The following MYO18A variants were observed in gnomAD, a reference collection of about 807,000 sequenced individuals.
MYO18A encodes the protein unconventional myosin-XVIIIa.
In MYO18A, 78 loss-of-function variants were observed where a neutral mutation model predicts 235.8. The observed-to-expected ratio is 0.33, with a 90% CI of 0.28 to 0.40. The LOEUF is 0.40. Among genes scored for constraint, MYO18A ranks in the 10% least tolerant of loss-of-function variants. The pLI is 1.00. For missense variants in MYO18A, 2,215 were observed against 2,699.3 expected (o/e 0.82, Z 3.98); for synonymous variants, 977 against 1,077.8 (o/e 0.91, Z 1.83).
chr17:29,102,430 G>T (rs1287968043), intron 21 of MYO18A, among the ~76,000 whole-genome samples: 2 of 152,194 alleles, frequency 1.3e-5, no homozygotes, highest in East Asian at 3.9e-4. Flanking sequence ...CCCTAGGCAG[G>T]GGCCCAGCTG....
chr17:29,096,109 G>A (rs2066512699), intron 28 of MYO18A, among the ~76,000 whole-genome samples: 1 of 152,220 alleles, frequency 6.6e-6, no homozygotes, highest in South Asian at 2.1e-4. Context: ...TCCCAGTGTT[G>A]TGGGTGTGGG....
rs776432106 is a variant in MYO18A, at chr17:29,158,428, A to G, written c.999+7514T>C. On this transcript the variant is annotated intron_variant, in intron 2 of 41. Transcript: ENST00000527372. This position sits in a 1 kb window ranked among gnomAD's most constrained non-coding sequence, Gnocchi z 4.3. Reference sequence around the variant, plus strand: ...TTTAACAGAACAGAAGCTGCTGCCAAACACCATGCGGGACTCTTGAATTGG... The same window carrying G: ...TTTAACAGAACAGAAGCTGCTGCCAGACACCATGCGGGACTCTTGAATTGG... 1.3e-5 allele frequency among the ~76,000 whole-genome samples: 2 copies of G among 151,548 alleles called. No individual in the cohort carries two copies. The highest frequency in any genetic ancestry group is 2.9e-5 in the Non-Finnish European group (2 of 67,906).
At chr17:29,131,466 A>C in intron 2 of MYO18A, 1 of 984,744 alleles carries the variant, frequency 1.0e-6, no homozygotes, top group South Asian at 4.7e-5. Context: ...TGAAGAAGTC[A>C]CTGGCAGGTC....
At chr17:29,095,104 G>A (rs1254766325) in intron 28 of MYO18A, 45 bp from the exon 29 acceptor site, 1 of 1,489,386 alleles carries the variant, frequency 6.7e-7, no homozygotes, top group East Asian at 2.5e-5. Context: ...AAGAGCCAGG[G>A]TCCCCCACAC....
rs748946708 is a variant in MYO18A, at chr17:29,074,833, T to A, written c.6102A>T (p.Arg2034=). The A allele has an allele frequency of 3.7e-6, 6 of 1,613,896 alleles. No individual in the cohort carries two copies. The highest frequency in any genetic ancestry group is 5.1e-6 in the Non-Finnish European group (6 of 1,179,856). The change falls in exon 42 of 42, where the codon CGA becomes CGT. Residue 2034 remains arginine, a synonymous_variant. Transcript: ENST00000527372. This position sits in a 1 kb window ranked among gnomAD's most constrained non-coding sequence, Gnocchi z 4.4. Reference sequence around the variant, plus strand: ...TGTCACTCAGATAACTGTGGGAGTATCGCGGTCTGGAGGTGTTGTCGAGAG... The same window carrying A: ...TGTCACTCAGATAACTGTGGGAGTAACGCGGTCTGGAGGTGTTGTCGAGAG... The part of the protein sequence containing the change: ...HDPLDNTSRP[R]YSHSYLSDSD...
At chr17:29,086,370 G>T in intron 39 of MYO18A, 68 bp downstream of exon 39, 1 of 1,530,392 alleles carries the variant, frequency 6.5e-7, no homozygotes, top group South Asian at 1.2e-5. Context: ...CTACCTGGTC[G>T]TCTGGTTCCA....
Position 29,096,851 on chromosome 17 carries a change from C to T in MYO18A, c.4295G>A (p.Cys1432Tyr). 6.3e-7 allele frequency: 1 copy of T among 1,590,470 alleles called. No individual in the cohort carries two copies. Among genetic ancestry groups the T allele is most frequent in the Non-Finnish European group, 8.6e-7 (1 of 1,168,940 alleles). ...QRALQQLKKK[C>Y]QRLTAELQDT... ...TTGCAGCTCAGCCGTCAGTCGCTGG[C>T]ACTTCTTCTTGAGCTGCTGCAGAGC... The change falls in exon 28 of 42, where the codon TGC becomes TAC. Residue 1432 changes from cysteine to tyrosine, a missense_variant. Coordinates refer to ENST00000527372, the MANE Select transcript of MYO18A (RefSeq NM_078471.4).
chr17:29,086,357 G>T, intron 39 of MYO18A, 81 bp downstream of exon 39: 2 of 1,497,604 alleles, frequency 1.3e-6, no homozygotes, highest in Non-Finnish European at 9.1e-7. Flanking sequence ...GGTTGCAACT[G>T]TTCTACCTGG....
chr17:29,163,026 C>T (rs2068207248), intron 2 of MYO18A, among the ~76,000 whole-genome samples: 2 of 152,214 alleles, frequency 1.3e-5, no homozygotes, highest in Admixed American at 1.3e-4. Context: ...TAACAGATGG[C>T]TAGTCAGCTC....
At chr17:29,113,291 A>C (rs2066978309) in intron 15 of MYO18A, among the ~76,000 whole-genome samples, 1 of 152,228 alleles carries the variant, frequency 6.6e-6, no homozygotes, top group Admixed American at 6.5e-5. Context: ...ATCAAAGCAG[A>C]GCAGGGAGGT....
At chr17:29,167,975 T>G (rs910234444) in intron 1 of MYO18A, among the ~76,000 whole-genome samples, 19 of 152,192 alleles carry the variant, frequency 1.2e-4, no homozygotes, top group African/African-American at 4.1e-4. Context: ...ACAAGGTAGA[T>G]ATCATTATTT....
In MYO18A at chr17:29,111,792, T is replaced by C. The variant is rs751362931; in HGVS notation, c.2670A>G (p.Pro890=). The change falls in exon 16 of 42, where the codon CCA becomes CCG. Residue 890 remains proline (P), a synonymous_variant. Coordinates refer to ENST00000527372, the MANE Select transcript of MYO18A (RefSeq NM_078471.4). This position sits in a 1 kb window ranked among gnomAD's most constrained non-coding sequence, Gnocchi z 5.1. ...LWLLEEEALV[P]GASEDTLLER... ...CCAGGAGGGTGTCCTCACTGGCCCC[T>C]GGCACCAGAGCCTCCTCTTCCAATA... 7.4e-6 allele frequency: 12 copies of C among 1,613,788 alleles called. No homozygotes were observed. The highest frequency in any genetic ancestry group is 1.7e-4 in the Middle Eastern group (1 of 6,058).
Position 29,120,689 on chromosome 17 carries a change from T to C in MYO18A, c.1655A>G (p.Asn552Ser). The change falls in exon 7 of 42, where the codon AAT becomes AGT. Residue 552 changes from asparagine to serine, a missense_variant. Transcript: ENST00000527372. This position sits in a 1 kb window ranked among gnomAD's most constrained non-coding sequence, Gnocchi z 4.2. Reference protein sequence around the residue: ...FGNSPTIINGNATRFSQILSL... With the variant: ...FGNSPTIINGSATRFSQILSL... Reference sequence around the variant, plus strand: ...GAGGATCTGGGAGAAGCGGGTGGCATTGCCATTAATGATGGTGGGGCTGTT... The same window carrying C: ...GAGGATCTGGGAGAAGCGGGTGGCACTGCCATTAATGATGGTGGGGCTGTT... 1 of 1,613,918 alleles carries C rather than the reference T, an allele frequency of 6.2e-7. No homozygotes were observed.
chr17:29,121,976 C>G lies in MYO18A; in HGVS notation c.1088-19G>C. 6.2e-7 allele frequency: 1 copy of G among 1,612,284 alleles called. No homozygotes were observed. Among genetic ancestry groups the G allele is most frequent in the Non-Finnish European group, 8.5e-7 (1 of 1,178,622 alleles). On this transcript the variant is annotated intron_variant, in intron 3 of 41. Transcript: ENST00000527372. This position sits in a 1 kb window ranked among gnomAD's most constrained non-coding sequence, Gnocchi z 4.2. ...TGACTGGCTGCAGGGGAGGGACAGA[C>G]AGCTGGGATGGGCCTGGGAAGCCTC... is the stretch of plus-strand genomic sequence containing the variant.
intron 2 of MYO18A, among the ~76,000 whole-genome samples, chr17:29,160,630 A>G (rs952633890): frequency 6.6e-6 from 1 of 152,256 alleles, no homozygotes; most frequent in Non-Finnish European, 1.5e-5. Flanking sequence ...TAACTTTGGT[A>G]AAACCCAAAC....
At chr17:29,175,662 C>T (rs552072603) in intron 1 of MYO18A, among the ~76,000 whole-genome samples, 2 of 151,932 alleles carry the variant, frequency 1.3e-5, no homozygotes, top group Admixed American at 1.3e-4. Context: ...CTGTGTCCGG[C>T]CTACTACAGA....
At chr17:29,138,255 C>T (rs1385229728) in intron 2 of MYO18A, among the ~76,000 whole-genome samples, 5 of 152,168 alleles carry the variant, frequency 3.3e-5, no homozygotes, top group African/African-American at 4.8e-5. Flanking sequence ...TGCAAGCCCC[C>T]GAGAGCAGCA....
In MYO18A at chr17:29,109,964, G is replaced by A. The variant is rs1309460097; in HGVS notation, c.3225C>T (p.Pro1075=). ...RVSSSSELDL[P]SGDHCEAGLL... ...GCCCAGCCTCGCAGTGGTCTCCCGA[G>A]GGCAGGTCCAGCTCACTGCTGCTGC... The change falls in exon 19 of 42, where the codon CCC becomes CCT. Residue 1075 remains proline, a synonymous_variant. Coordinates refer to ENST00000527372, the MANE Select transcript of MYO18A (RefSeq NM_078471.4). This position sits in a 1 kb window ranked among gnomAD's most constrained non-coding sequence, Gnocchi z 4.1. 6.2e-7 allele frequency: 1 copy of A among 1,610,952 alleles called. No individual in the cohort carries two copies. Among genetic ancestry groups the A allele is most frequent in the Non-Finnish European group, 8.5e-7 (1 of 1,178,834 alleles).
intron 2 of MYO18A, among the ~76,000 whole-genome samples, chr17:29,129,950 CA>C (rs1390735592): frequency 6.6e-6 from 1 of 152,198 alleles, no homozygotes; most frequent in African/African-American, 2.4e-5. Context: ...CTGGATCCTA[CA>C]CTCCTCCCCT....
Sources: gnomAD v4.1 joint callset for allele counts (sites outside exome capture counted in the v4.1 genomes callset) on GRCh38, gnomAD v4.1.1 for gene constraint, Gnocchi (gnomAD v3.1) non-coding constraint, MANE v1.5 for transcripts, NCBI Gene and HGNC (gene_info 2026-07-23, HGNC 2026-07-21) for gene names.